Variants in EYA1 observed in about 807,000 individuals in gnomAD.
EYA1 encodes EYA transcriptional coactivator and phosphatase 1, also known as protein phosphatase EYA1.
In EYA1, 16 loss-of-function variants were observed where a neutral mutation model predicts 82.0. That is an observed-to-expected ratio of 0.20 (90% CI 0.13 to 0.30). The LOEUF (loss-of-function observed/expected upper bound fraction) is 0.30. EYA1 is among the 10% of genes least tolerant of loss of function. EYA1 has a pLI of 1.00. For missense variants in EYA1, 633 were observed against 730.7 expected (o/e 0.87, Z 1.54); for synonymous variants, 261 against 264.4 (o/e 0.99, Z 0.12).
upstream of EYA1, among the ~76,000 whole-genome samples, chr8:71,366,917 T>C (rs376627751): frequency 6.6e-5 from 10 of 152,216 alleles, no homozygotes; most frequent in East Asian, 3.9e-4. Context: ...ATATTTGAAA[T>C]GATACATATT....
chr8:71,479,141 T>C lies in EYA1; in HGVS notation c.33+56603A>G, dbSNP rs1160224931. Among the ~76,000 whole-genome samples, 3 of 152,114 alleles carry C rather than the reference T, an allele frequency of 2.0e-5. No individual in the cohort carries two copies. The East Asian group carries it at 5.8e-4, about 29-fold the overall frequency. ...ACCTCACCTCCAACTTTCCTAACCC[T>C]TGCTTCCTTCACTACAGTCACTGGC... is the stretch of plus-strand genomic sequence containing the variant. On this transcript the variant is annotated intron_variant, in intron 2 of 18. Transcript: ENST00000643681.
chr8:71,275,356 G>A (rs552911647), intron 9 of EYA1, among the ~76,000 whole-genome samples: 7 of 152,306 alleles, frequency 4.6e-5, no homozygotes, highest in African/African-American at 1.7e-4. Flanking sequence ...GGCATTACAG[G>A]GAAGAGTATA....
chr8:71,490,366 T>C lies in EYA1; in HGVS notation c.33+45378A>G, dbSNP rs1207577970. 2.6e-5 allele frequency among the ~76,000 whole-genome samples: 4 copies of C among 152,216 alleles called. No individual in the cohort carries two copies. In the East Asian group the frequency reaches 5.8e-4, roughly 22 times the overall value. ...TGCTTAATTAAGTAACCATGGGGTATTGCATGCTGAAATAGTTATTTCAGA... is the reference window on the plus strand; with the variant it reads ...TGCTTAATTAAGTAACCATGGGGTACTGCATGCTGAAATAGTTATTTCAGA... On this transcript the variant is annotated intron_variant, in intron 2 of 18. Coordinates refer to the EYA1 transcript ENST00000643681.
In EYA1 at chr8:71,345,212, G is replaced by A. The variant is rs967841682; in HGVS notation, c.124+9570C>T. ...TTTTGGATAGACTGTCATAGCACCT[G>A]TGATGAAGGGGCAATGCCATTCTAC... On this transcript the variant is annotated intron_variant, in intron 3 of 17. Coordinates refer to ENST00000340726, the MANE Select transcript of EYA1 (RefSeq NM_000503.6). 2.6e-5 allele frequency among the ~76,000 whole-genome samples: 4 copies of A among 152,314 alleles called. 1 individual carries two copies. The highest frequency in any genetic ancestry group is 1.9e-4 in the East Asian group (1 of 5,194).
chr8:71,328,992 T>G (rs759041972), intron 4 of EYA1, among the ~76,000 whole-genome samples: 2 of 152,214 alleles, frequency 1.3e-5, no homozygotes, highest in Non-Finnish European at 2.9e-5. Context: ...CCATCAGGAC[T>G]GCAACTGAAT....
intron 3 of EYA1, among the ~76,000 whole-genome samples, chr8:71,341,751 A>G (rs1166022256): frequency 6.6e-6 from 1 of 152,204 alleles, no homozygotes; most frequent in Non-Finnish European, 1.5e-5. Context: ...GAGGGCAGGA[A>G]AAAACATTAG....
chr8:71,246,083 T>A (rs1170240125), intron 11 of EYA1, among the ~76,000 whole-genome samples: 1 of 152,236 alleles, frequency 6.6e-6, no homozygotes, highest in Non-Finnish European at 1.5e-5. Flanking sequence ...CTGAAGATCC[T>A]GTATAGGAAG....
At chr8:71,318,146 T>G (rs1822134564) in intron 6 of EYA1, among the ~76,000 whole-genome samples, 1 of 152,188 alleles carries the variant, frequency 6.6e-6, no homozygotes, top group Admixed American at 6.5e-5. Context: ...CATCACAGTA[T>G]TTTTCCCTCC....
chr8:71,380,968 G>A (rs1422443977), intron 2 of EYA1, among the ~76,000 whole-genome samples: 5 of 152,210 alleles, frequency 3.3e-5, no homozygotes, highest in Non-Finnish European at 5.9e-5. Flanking sequence ...TGCCACCAGT[G>A]TTCTCAATCC....
At chr8:71,445,276 A>G (rs1327562868) in intron 2 of EYA1, among the ~76,000 whole-genome samples, 1 of 152,194 alleles carries the variant, frequency 6.6e-6, no homozygotes, top group Admixed American at 6.5e-5. Flanking sequence ...GAGTTTTTCT[A>G]GCAAAGAGAT....
chr8:71,437,167 T>C (rs1044679614), intron 2 of EYA1, among the ~76,000 whole-genome samples: 2 of 151,290 alleles, frequency 1.3e-5, no homozygotes, highest in Non-Finnish European at 3.0e-5. Context: ...ATGTGTATAT[T>C]AAGCCACCAA....
intron 2 of EYA1, among the ~76,000 whole-genome samples, chr8:71,410,491 G>T (rs1481209929): frequency 1.9e-5 from 2 of 106,244 alleles, no homozygotes; most frequent in African/African-American, 6.7e-5. Flanking sequence ...CATCGTCTCA[G>T]CCCAAAATCT....
chr8:71,446,414 A>T (rs1563621531), intron 2 of EYA1, among the ~76,000 whole-genome samples: 1 of 151,058 alleles, frequency 6.6e-6, no homozygotes, highest in Non-Finnish European at 1.5e-5. Context: ...CCCTTCTGCC[A>T]TGTAAGTTTC....
At chr8:71,383,904 A>G (rs1310592087) in intron 2 of EYA1, among the ~76,000 whole-genome samples, 5 of 152,180 alleles carry the variant, frequency 3.3e-5, no homozygotes, top group African/African-American at 1.2e-4. Flanking sequence ...TGGATTAATT[A>G]TATTATTTCT....
intron 2 of EYA1, among the ~76,000 whole-genome samples, chr8:71,503,837 T>C (rs1160821756): frequency 6.6e-6 from 1 of 152,162 alleles, no homozygotes; most frequent in Admixed American, 6.5e-5. Flanking sequence ...CACAGCAGGG[T>C]CTGGACTTGA....
At chr8:71,232,040 T>C (rs1811258983) in intron 12 of EYA1, among the ~76,000 whole-genome samples, 1 of 152,232 alleles carries the variant, frequency 6.6e-6, no homozygotes, top group Admixed American at 6.5e-5. Flanking sequence ...CTGACTTGGC[T>C]AGAAAGGTTT....
intron 4 of EYA1, chr8:71,323,962 G>T (rs951459415): frequency 6.6e-6 from 1 of 152,178 alleles, no homozygotes; most frequent in Admixed American, 6.5e-5. Context: ...TTACCCAGCA[G>T]AATTATTGGA....
intron 9 of EYA1, among the ~76,000 whole-genome samples, chr8:71,272,713 A>C (rs1816693844): frequency 6.6e-6 from 1 of 152,204 alleles, no homozygotes; most frequent in African/African-American, 2.4e-5. Context: ...CCATTTACTC[A>C]CACCAATTTT....
rs748079994 is a variant in EYA1 at position 71,312,689 on chromosome 8, C to T, written c.556+4863G>A. 3.3e-5 allele frequency among the ~76,000 whole-genome samples: 5 copies of T among 152,318 alleles called. No individual in the cohort carries two copies. In the East Asian group the frequency reaches 7.7e-4, roughly 24 times the overall value. On this transcript the variant is annotated intron_variant, in intron 7 of 17. Transcript: ENST00000340726. The stretch of plus-strand genomic sequence containing the variant: ...CTGACCTTGGGTGATCTGCCCACCT[C>T]GGCCTCCCAAAGTGCTGGGATTACA...
Sources: allele counts gnomAD v4.1 joint callset (sites outside exome capture counted in the v4.1 genomes callset), GRCh38; gene constraint gnomAD v4.1.1; transcripts MANE v1.5; gene names NCBI Gene and HGNC (gene_info 2026-07-23, HGNC 2026-07-21).